DSCAM: variants seen among roughly 807,000 people sequenced by gnomAD.
DSCAM encodes DS cell adhesion molecule.
In DSCAM, 47 loss-of-function variants were observed where a neutral mutation model predicts 217.7. The ratio of observed to expected loss-of-function variants is 0.22; its 90% CI spans 0.17 to 0.28. The LOEUF is 0.28. DSCAM is among the 10% of genes least tolerant of loss of function. The probability of loss-of-function intolerance (pLI) is 1.00; values close to 1 mark genes in which losing one functional copy is unlikely to be tolerated. For missense variants in DSCAM, 2,080 were observed against 2,618.3 expected, an observed-to-expected ratio of 0.79 and a Z score of 4.49; for synonymous variants, 1,056 against 1,015.3, an observed-to-expected ratio of 1.04 and a Z score of -0.76.
At chr21:40,436,705 C>G (rs573689156) in intron 3 of DSCAM, among the ~76,000 whole-genome samples, 1 of 152,190 alleles carries the variant, frequency 6.6e-6, no homozygotes, top group South Asian at 2.1e-4. Flanking sequence ...AACTAGGCCG[C>G]CCTCGTTAAA....
rs1056514814 is a variant in DSCAM at position 40,580,589 on chromosome 21, A to T, written c.508+112221T>A. Among the ~76,000 whole-genome samples the T allele has an allele frequency of 2.6e-5, 4 of 152,128 alleles. No homozygotes were observed. The East Asian group carries it at 7.8e-4, about 30-fold the overall frequency. ...GAACGTTAAAAAGAAGGTAGATTTT[A>T]AAATTGTAATTAAAAGAGCATGGAA... On this transcript the variant is annotated intron_variant, in intron 3 of 32. Coordinates refer to ENST00000400454, the MANE Select transcript of DSCAM (RefSeq NM_001389.5).
chr21:40,627,357 C>G (rs996054873), intron 3 of DSCAM, among the ~76,000 whole-genome samples: 2 of 152,184 alleles, frequency 1.3e-5, no homozygotes, highest in East Asian at 1.9e-4. Flanking sequence ...GCTGTCAACT[C>G]TATGAAAACC....
intron 3 of DSCAM, 38 bp from the exon 4 acceptor site, chr21:40,369,283 A>G (rs2074868765): frequency 7.6e-6 from 12 of 1,582,820 alleles, no homozygotes; most frequent in African/African-American, 1.4e-5. Flanking sequence ...TTAAAAGACA[A>G]TGAAAGCAAC....
intron 19 of DSCAM, among the ~76,000 whole-genome samples, chr21:40,130,196 A>C (rs772068317): frequency 3.3e-5 from 5 of 152,182 alleles, no homozygotes; most frequent in Admixed American, 6.5e-5. Context: ...AATAGATTGC[A>C]TTTTGTTTGT....
intron 3 of DSCAM, among the ~76,000 whole-genome samples, chr21:40,571,875 C>T (rs1311804485): frequency 6.6e-6 from 1 of 152,160 alleles, no homozygotes; most frequent in African/African-American, 2.4e-5. Context: ...CAGGTGTGAG[C>T]CACTGCACCT....
chr21:40,144,638 T>G lies in DSCAM; in HGVS notation c.3112A>C (p.Ile1038Leu). Residue 1038 changes from isoleucine to leucine, a missense_variant, in exon 17 of 33, where the codon ATC becomes CTC. Ile to Leu is a conservative substitution (Grantham distance 5). Around this residue, in one of 5 missense-constraint regions of DSCAM, gnomAD observed 1,144 missense variants for 1,421.1 expected, o/e 0.81. Coordinates refer to ENST00000400454, the MANE Select transcript of DSCAM (RefSeq NM_001389.5). The surrounding 1 kb of genome is among the most constrained non-coding windows in gnomAD (Gnocchi z 4.8). ...STGGNFQFNI[I>L]SVDTSGDSEV... Reference sequence around the variant, plus strand: ...CTGTCCCCGCTGGTGTCGACACTGATAATGTTGAATTGGAAGTTACCCCCA... The same window carrying G: ...CTGTCCCCGCTGGTGTCGACACTGAGAATGTTGAATTGGAAGTTACCCCCA... 1.2e-6 allele frequency: 2 copies of G among 1,614,108 alleles called. No individual in the cohort carries two copies. Among genetic ancestry groups the G allele is most frequent in the South Asian group, 2.2e-5 (2 of 91,060 alleles).
chr21:40,363,252 C>CTTTTTTTT (rs35756323), intron 4 of DSCAM, among the ~76,000 whole-genome samples: 4 of 116,164 alleles, frequency 3.4e-5, no homozygotes, highest in East Asian at 5.1e-4. Context: ...TTTTTGTGTT[C>CTTTTTTTT]TTTTTTTTTT....
At chr21:40,642,349 G>C (rs13050930) in intron 3 of DSCAM, among the ~76,000 whole-genome samples, 14,462 of 152,170 alleles carry the variant, frequency 0.095, 798 homozygotes, top group Middle Eastern at 0.17. Flanking sequence ...CGATAAGTAT[G>C]TATCCAGCAC....
intron 8 of DSCAM, among the ~76,000 whole-genome samples, chr21:40,318,761 C>G (rs2074228379): frequency 6.6e-6 from 1 of 152,174 alleles, no homozygotes; most frequent in Non-Finnish European, 1.5e-5. Context: ...CCGGTGGGTG[C>G]TAAAAGAAAC....
At chr21:40,428,272 G>A (rs950704657) in intron 3 of DSCAM, among the ~76,000 whole-genome samples, 6 of 149,636 alleles carry the variant, frequency 4.0e-5, no homozygotes, top group Non-Finnish European at 8.9e-5. Flanking sequence ...GTGTGTGTGT[G>A]TGTGTGTGTG....
intron 3 of DSCAM, among the ~76,000 whole-genome samples, chr21:40,581,872 A>T (rs1314889060): frequency 3.3e-5 from 5 of 152,232 alleles, no homozygotes; most frequent in Admixed American, 3.3e-4. Flanking sequence ...TTGTAAAAAA[A>T]ATTAACAAAG....
At chr21:40,091,488 T>C (rs1042142849) in intron 21 of DSCAM, among the ~76,000 whole-genome samples, 3 of 152,024 alleles carry the variant, frequency 2.0e-5, no homozygotes, top group African/African-American at 4.8e-5. Context: ...CCGCCTTTGC[T>C]TGTGCTCAGG....
chr21:40,737,712 G>A (rs1043449212), intron 1 of DSCAM, among the ~76,000 whole-genome samples: 7 of 152,168 alleles, frequency 4.6e-5, no homozygotes, highest in Non-Finnish European at 7.3e-5. Context: ...ATGACACTAA[G>A]CCACAGGGAG....
At chr21:40,528,560 G>A (rs920889945) in intron 3 of DSCAM, among the ~76,000 whole-genome samples, 2 of 152,160 alleles carry the variant, frequency 1.3e-5, no homozygotes, top group African/African-American at 4.8e-5. Flanking sequence ...TACTTCAATC[G>A]TCATGTCTGT....
intron 11 of DSCAM, among the ~76,000 whole-genome samples, chr21:40,239,353 AG>A (rs985917797): frequency 3.3e-5 from 5 of 152,244 alleles, no homozygotes; most frequent in Admixed American, 2.0e-4. Context: ...ACATTGCTTT[AG>A]ATCACAAGAT....
intron 3 of DSCAM, among the ~76,000 whole-genome samples, chr21:40,482,723 TGTTTA>T: frequency 6.6e-6 from 1 of 152,350 alleles, no homozygotes; most frequent in Non-Finnish European, 1.5e-5. Flanking sequence ...TGAGTCTCAC[TGTTTA>T]TTTTATATGG....
At chr21:40,188,908 G>A (rs986890574) in intron 12 of DSCAM, 134 bp downstream of exon 12, 19 of 863,940 alleles carry the variant, frequency 2.2e-5, no homozygotes, top group Middle Eastern at 2.6e-4. Context: ...CTGTGTGAAA[G>A]GGGAGAGAAA....
At chr21:40,579,779 T>C (rs2146219883) in intron 3 of DSCAM, among the ~76,000 whole-genome samples, 1 of 152,232 alleles carries the variant, frequency 6.6e-6, no homozygotes, top group Non-Finnish European at 1.5e-5. Context: ...AAAACAAAGA[T>C]GTTTTCAGAT....
chr21:40,108,294 G>T (rs979620579), intron 20 of DSCAM, among the ~76,000 whole-genome samples: 1 of 152,144 alleles, frequency 6.6e-6, no homozygotes, highest in African/African-American at 2.4e-5. Context: ...TTCTTAAGCT[G>T]ATAAACAACT....
Sources: allele counts gnomAD v4.1 joint callset (sites outside exome capture counted in the v4.1 genomes callset), GRCh38; gene constraint gnomAD v4.1.1; regional missense constraint gnomAD v4.1.1; non-coding constraint Gnocchi (gnomAD v3.1); transcripts MANE v1.5; gene names NCBI Gene and HGNC (gene_info 2026-07-23, HGNC 2026-07-21).